The following ARHGEF38 variants were observed in gnomAD, a reference collection of about 807,000 sequenced individuals.
ARHGEF38 encodes Rho guanine nucleotide exchange factor 38.
Under a neutral mutation model 79.9 loss-of-function variants are expected in ARHGEF38, and 79 were observed. That is an observed-to-expected ratio of 0.99 (90% CI 0.82 to 1.19). The LOEUF is 1.19. ARHGEF38 is among the 50% of genes most tolerant of loss of function. The pLI is 0.00. For synonymous variants in ARHGEF38, 366 were observed against 328.3 expected (o/e 1.11, Z -1.24); for missense variants, 962 against 907.2 (o/e 1.06, Z -0.78).
At chr4:105,648,462 T>A (rs1285600763) in intron 6 of ARHGEF38, 87 bp from the exon 7 acceptor site, 3 of 1,216,668 alleles carry the variant, frequency 2.5e-6, no homozygotes, top group Non-Finnish European at 3.3e-6. Context: ...ATCTTGAATA[T>A]AAATACTCGT....
chr4:105,578,618 G>T (rs955720458), intron 1 of ARHGEF38, among the ~76,000 whole-genome samples: 6 of 152,020 alleles, frequency 3.9e-5, no homozygotes, highest in African/African-American at 1.5e-4. Flanking sequence ...ATGAATTTAG[G>T]ATTATGATAT....
intron 13 of ARHGEF38, among the ~76,000 whole-genome samples, chr4:105,675,249 T>C (rs897556143): frequency 1.3e-5 from 2 of 152,204 alleles, no homozygotes; most frequent in Admixed American, 1.3e-4. Context: ...TTAGAAGATA[T>C]TGGTCATAGC....
In ARHGEF38 at chr4:105,655,654, T is replaced by C. The variant is rs906152625; in HGVS notation, c.1165T>C (p.Tyr389His). ...QSVMDLQEIS[Y>H]NKDDEMDYSE... ...TGTGATGGACCTTCAGGAGATTTCA[T>C]ACAACAAAGACGATGAGATGGACTA... is the stretch of plus-strand genomic sequence containing the variant. Residue 389 changes from tyrosine to histidine, a missense_variant, in exon 9 of 14, where the codon TAC (tyrosine) becomes CAC (histidine). Transcript: ENST00000420470. 8 of 1,535,982 alleles carry C rather than the reference T, an allele frequency of 5.2e-6. No individual in the cohort carries two copies. In the South Asian group the frequency reaches 9.5e-5, roughly 18 times the overall value.
rs540001433 is a variant in ARHGEF38, at chr4:105,679,920, A to G, written c.*1983A>G. On this transcript the variant is annotated 3_prime_UTR_variant, in exon 14 of 14. Coordinates refer to ENST00000420470, the MANE Select transcript of ARHGEF38 (RefSeq NM_001242729.2). ...ACATTGGTTGCCACCAAAACTTTAT[A>G]ATTACCTCTCTGAAGCCTTTTAGTG... 1,486 of 1,401,494 alleles carry G rather than the reference A, an allele frequency of 1.1e-3. 4 individuals are homozygous for G. Among genetic ancestry groups the G allele is most frequent in the Non-Finnish European group, 1.3e-3 (1,315 of 990,988 alleles). 86.8% of individuals were successfully genotyped at this position (1,401,494 alleles called of 1,614,324 possible). A position where few individuals can be genotyped will look rare whatever the true frequency, so the allele number is the denominator to read the frequency against.
chr4:105,630,766 C>A, intron 3 of ARHGEF38, 132 bp from the exon 4 acceptor site: 2 of 634,854 alleles, frequency 3.2e-6, no homozygotes, highest in Non-Finnish European at 4.9e-6. Flanking sequence ...GTTTTCCACC[C>A]TCCCTGAATA....
At chr4:105,657,290 G>A (rs1560752559) in intron 9 of ARHGEF38, among the ~76,000 whole-genome samples, 2 of 152,158 alleles carry the variant, frequency 1.3e-5, no homozygotes, top group Admixed American at 6.5e-5. Context: ...TTGATGGAAA[G>A]AAGCCAGAAG....
At chr4:105,601,645 G>A (rs1727826850) in intron 2 of ARHGEF38, among the ~76,000 whole-genome samples, 1 of 152,122 alleles carries the variant, frequency 6.6e-6, no homozygotes, top group African/African-American at 2.4e-5. Flanking sequence ...GCTAAGGGAT[G>A]CTCCTGGGGG....
At chr4:105,577,232 C>T (rs182182380) in intron 1 of ARHGEF38, among the ~76,000 whole-genome samples, 1 of 144,660 alleles carries the variant, frequency 6.9e-6, no homozygotes, top group African/African-American at 2.6e-5. Flanking sequence ...GGTATATCTC[C>T]TAATGCTATC....
chr4:105,657,533 A>G (rs566068448), intron 9 of ARHGEF38, among the ~76,000 whole-genome samples: 3 of 152,220 alleles, frequency 2.0e-5, no homozygotes, highest in Admixed American at 2.0e-4. Flanking sequence ...TCTAATTCTT[A>G]TTTGTTCTAA....
intron 1 of ARHGEF38, among the ~76,000 whole-genome samples, chr4:105,554,978 T>C (rs903929716): frequency 6.6e-6 from 1 of 152,182 alleles, no homozygotes; most frequent in Non-Finnish European, 1.5e-5. Context: ...ATTCAGCATC[T>C]ATCAGAGTCT....
chr4:105,675,938 T>C (rs1731102630), intron 13 of ARHGEF38, among the ~76,000 whole-genome samples: 2 of 152,186 alleles, frequency 1.3e-5, no homozygotes, highest in African/African-American at 2.4e-5. Context: ...ACCTTGTGGA[T>C]TAGGCTTTCA....
intron 10 of ARHGEF38, among the ~76,000 whole-genome samples, chr4:105,660,061 G>T (rs1197862165): frequency 6.6e-6 from 1 of 152,046 alleles, no homozygotes. Context: ...GTAACACCTG[G>T]AGCAGAAATA....
chr4:105,591,340 T>G (rs988511115), intron 2 of ARHGEF38, among the ~76,000 whole-genome samples: 7 of 152,176 alleles, frequency 4.6e-5, no homozygotes, highest in African/African-American at 1.7e-4. Flanking sequence ...GCCATTCTCC[T>G]GCCTCAGCCT....
In ARHGEF38 at chr4:105,576,083, T is replaced by C. The variant is rs181896491; in HGVS notation, c.197-13165T>C. Among the ~76,000 whole-genome samples the C allele has an allele frequency of 8.1e-4, 124 of 152,340 alleles. 2 individuals are homozygous for C. The highest frequency in any genetic ancestry group is 4.1e-3 in the Admixed American group (62 of 15,298). The stretch of plus-strand genomic sequence containing the variant: ...TATAACTTAAAGTCCAGTAATGTGA[T>C]GTCTCCAGATTTGTTCTTTTTGTTT... On this transcript the variant is annotated intron_variant, in intron 1 of 13. Transcript: ENST00000420470.
At chr4:105,652,761 A>G (rs1379125742) in intron 7 of ARHGEF38, among the ~76,000 whole-genome samples, 1 of 152,212 alleles carries the variant, frequency 6.6e-6, no homozygotes, top group Non-Finnish European at 1.5e-5. Context: ...TATACACACT[A>G]GACTGAGTTG....
intron 13 of ARHGEF38, among the ~76,000 whole-genome samples, chr4:105,675,804 A>G (rs568216496): frequency 1.7e-4 from 26 of 152,250 alleles, no homozygotes; most frequent in Non-Finnish European, 3.1e-4. Flanking sequence ...GCACCTTCTC[A>G]TTGGGCCCTC....
At chr4:105,588,411 A>G (rs1179031691) in intron 1 of ARHGEF38, among the ~76,000 whole-genome samples, 1 of 152,142 alleles carries the variant, frequency 6.6e-6, no homozygotes, top group African/African-American at 2.4e-5. Flanking sequence ...AGACTCACAC[A>G]CTGCCCTGAT....
chr4:105,670,136 A>T (rs1306138962), intron 13 of ARHGEF38, among the ~76,000 whole-genome samples: 1 of 152,094 alleles, frequency 6.6e-6, no homozygotes, highest in African/African-American at 2.4e-5. Flanking sequence ...ATTTCTCTTG[A>T]GTAGATACCC....
chr4:105,611,688 C>T (rs768352757), intron 2 of ARHGEF38, among the ~76,000 whole-genome samples: 5 of 151,638 alleles, frequency 3.3e-5, no homozygotes, highest in Non-Finnish European at 7.4e-5. Flanking sequence ...AGCAAAAAAC[C>T]ACATGTGCCA....
Sources: allele counts gnomAD v4.1 joint callset (sites outside exome capture counted in the v4.1 genomes callset), GRCh38; gene constraint gnomAD v4.1.1; transcripts MANE v1.5; gene names NCBI Gene and HGNC (gene_info 2026-07-23, HGNC 2026-07-21).